SH3RF3: variants seen among roughly 807,000 people sequenced by gnomAD.
The protein encoded by SH3RF3 is SH3 domain containing ring finger 3, also known as E3 ubiquitin-protein ligase SH3RF3.
SH3RF3 carries 29 observed loss-of-function variants against 66.3 expected under a neutral mutation model. The observed-to-expected ratio is 0.44, with a 90% CI of 0.33 to 0.60. SH3RF3 has a LOEUF of 0.60. Among genes scored for constraint, SH3RF3 ranks in the 20% least tolerant of loss-of-function variants. The pLI is 0.04. For synonymous variants in SH3RF3, 583 were observed against 532.0 expected, an observed-to-expected ratio of 1.10 and a Z score of -1.32; for missense variants, 1,194 against 1,190.9, an observed-to-expected ratio of 1.00 and a Z score of -0.04.
chr2:109,453,671 C>CGGTTCATAAT (rs1208612588), intron 8 of SH3RF3, among the ~76,000 whole-genome samples: 1 of 152,154 alleles, frequency 6.6e-6, no homozygotes, highest in Non-Finnish European at 1.5e-5. Flanking sequence ...CGCAGGCACA[C>CGGTTCATAAT]GGTTCATAAT....
intron 6 of SH3RF3, among the ~76,000 whole-genome samples, chr2:109,436,481 G>A (rs781411741): frequency 1.3e-5 from 2 of 152,216 alleles, no homozygotes; most frequent in Non-Finnish European, 2.9e-5. Context: ...GTGCCCAGAG[G>A]GGGCCCGCGT....
At position 109,252,741 on chromosome 2, in the gene SH3RF3, C is replaced by T. The variant is rs140636544; in HGVS notation, c.574-94933C>T. On this transcript the variant is annotated intron_variant, in intron 1 of 9. Coordinates refer to ENST00000309415, the MANE Select transcript of SH3RF3 (RefSeq NM_001099289.3). ...ACATTAGGCTGGCTAATGTAATCAG[C>T]CTACAGTTGGGCTGAATCATGTAAC... Among the ~76,000 whole-genome samples, 7 of 152,290 alleles carry T rather than the reference C, an allele frequency of 4.6e-5. No individual in the cohort carries two copies. In the East Asian group the frequency reaches 1.3e-3, roughly 29 times the overall value.
intron 2 of SH3RF3, among the ~76,000 whole-genome samples, chr2:109,365,066 A>G (rs1339430345): frequency 2.0e-5 from 3 of 152,150 alleles, no homozygotes; most frequent in Non-Finnish European, 4.4e-5. Flanking sequence ...AAACAAACAA[A>G]CAAACAAACA....
intron 1 of SH3RF3, among the ~76,000 whole-genome samples, chr2:109,270,319 C>T (rs535344961): frequency 3.9e-5 from 6 of 152,240 alleles, no homozygotes; most frequent in Admixed American, 1.3e-4. Flanking sequence ...GTTGGAGTGC[C>T]GGGCATGGGG....
At chr2:109,253,198 T>G (rs1238480209) in intron 1 of SH3RF3, among the ~76,000 whole-genome samples, 2 of 152,114 alleles carry the variant, frequency 1.3e-5, no homozygotes, top group African/African-American at 4.8e-5. Flanking sequence ...TGGCTAGTTT[T>G]TGTATTTTTA....
Position 109,230,164 on chromosome 2 carries a change from T to C in SH3RF3, c.573+100051T>C, listed in dbSNP as rs192078943. On this transcript the variant is annotated intron_variant, in intron 1 of 9. Coordinates refer to ENST00000309415, the MANE Select transcript of SH3RF3 (RefSeq NM_001099289.3). Reference sequence around the variant, plus strand: ...CTTAAGGCAGACTAATATTCCGTCGTATGGATATACTATATATTGTTTATC... The same window carrying C: ...CTTAAGGCAGACTAATATTCCGTCGCATGGATATACTATATATTGTTTATC... Among the ~76,000 whole-genome samples, 1,120 of 152,262 alleles carry C rather than the reference T, an allele frequency of 7.4e-3. 9 individuals carry two copies. Among genetic ancestry groups the C allele is most frequent in the South Asian group, 0.024 (114 of 4,828 alleles).
intron 3 of SH3RF3, among the ~76,000 whole-genome samples, chr2:109,383,361 C>T (rs527944626): frequency 1.3e-5 from 2 of 152,310 alleles, no homozygotes; most frequent in African/African-American, 2.4e-5. Context: ...CCCATCTTTG[C>T]AGGGAGATCT....
At position 109,347,861 on chromosome 2, in the gene SH3RF3, T is replaced by C; in HGVS notation, c.761T>C (p.Leu254Ser). ...AGCTATATCCAGTGCATCCAGCCCT[T>C]GCCACACGCCCCGCCCCAGGGAAAA... ...PASYIQCIQP[L>S]PHAPPQGKAL... is the part of the protein sequence containing the mutation. The change falls in exon 2 of 10, where the codon TTG (leucine) becomes TCG (serine). Residue 254 changes from leucine (L) to serine (S), a missense_variant. Transcript: ENST00000309415. The C allele has an allele frequency of 6.2e-7, 1 of 1,613,622 alleles. No individual in the cohort carries two copies. The highest frequency in any genetic ancestry group is 1.1e-5 in the South Asian group (1 of 90,982).
intron 1 of SH3RF3, among the ~76,000 whole-genome samples, chr2:109,333,516 TTG>T (rs1306651239): frequency 6.6e-6 from 1 of 152,242 alleles, no homozygotes; most frequent in African/African-American, 2.4e-5. Flanking sequence ...CCCCACCTGT[TTG>T]TGTAAGTAAA....
intron 3 of SH3RF3, among the ~76,000 whole-genome samples, chr2:109,396,727 C>A (rs1236179879): frequency 6.6e-6 from 1 of 152,216 alleles, no homozygotes; most frequent in Non-Finnish European, 1.5e-5. Flanking sequence ...GGACAGGCCC[C>A]TCCTGGCACC....
At chr2:109,233,606 G>C (rs546642176) in intron 1 of SH3RF3, among the ~76,000 whole-genome samples, 1 of 152,182 alleles carries the variant, frequency 6.6e-6, no homozygotes, top group Admixed American at 6.5e-5. Flanking sequence ...CTTGAGGGTG[G>C]GGCCTTTGCC....
At chr2:109,371,010 G>A (rs1186240250) in intron 2 of SH3RF3, among the ~76,000 whole-genome samples, 1 of 152,172 alleles carries the variant, frequency 6.6e-6, no homozygotes, top group Non-Finnish European at 1.5e-5. Flanking sequence ...ATAAATAATA[G>A]GAGTTGCATT....
chr2:109,163,226 C>A (rs1574481801), intron 1 of SH3RF3, among the ~76,000 whole-genome samples: 1 of 152,066 alleles, frequency 6.6e-6, no homozygotes, highest in East Asian at 1.9e-4. Context: ...AAGCCCAGAA[C>A]TATTTTTGGT....
At chr2:109,328,191 G>T (rs1352675602) in intron 1 of SH3RF3, among the ~76,000 whole-genome samples, 1 of 152,198 alleles carries the variant, frequency 6.6e-6, no homozygotes, top group Non-Finnish European at 1.5e-5. Context: ...ATTAGTCCAT[G>T]TGTGGATTTC....
chr2:109,303,478 T>C (rs1353382217), intron 1 of SH3RF3, among the ~76,000 whole-genome samples: 1 of 152,210 alleles, frequency 6.6e-6, no homozygotes, highest in Non-Finnish European at 1.5e-5. Flanking sequence ...GATGAAACTT[T>C]TTAAGTGAAA....
At chr2:109,299,976 T>G (rs1012597538) in intron 1 of SH3RF3, among the ~76,000 whole-genome samples, 2 of 152,154 alleles carry the variant, frequency 1.3e-5, no homozygotes, top group African/African-American at 4.8e-5. Context: ...TTTGTTCTAT[T>G]TATTTATTTC....
At chr2:109,166,219 C>G (rs1677617335) in intron 1 of SH3RF3, among the ~76,000 whole-genome samples, 1 of 152,174 alleles carries the variant, frequency 6.6e-6, no homozygotes, top group South Asian at 2.1e-4. Flanking sequence ...TGGCTTATGC[C>G]TGTCATCCCA....
chr2:109,191,121 C>T lies in SH3RF3; in HGVS notation c.573+61008C>T, dbSNP rs1324004640. 3.3e-5 allele frequency among the ~76,000 whole-genome samples: 5 copies of T among 151,980 alleles called. No homozygotes were observed. In the South Asian group the frequency reaches 6.2e-4, roughly 19 times the overall value. On this transcript the variant is annotated intron_variant, in intron 1 of 9. Transcript: ENST00000309415. ...CATATCAAGTGATTGGAGAGAGATC[C>T]AGAGGGACAGATTGCCAATGAGAGT...
intron 2 of SH3RF3, among the ~76,000 whole-genome samples, chr2:109,358,077 A>G (rs893493019): frequency 3.3e-5 from 5 of 152,166 alleles, no homozygotes; most frequent in African/African-American, 1.2e-4. Flanking sequence ...ACCCCTGGCA[A>G]CCACTGACCT....
Sources: gnomAD v4.1 joint callset for allele counts (sites outside exome capture counted in the v4.1 genomes callset) on GRCh38, gnomAD v4.1.1 for gene constraint, MANE v1.5 for transcripts, NCBI Gene and HGNC (gene_info 2026-07-23, HGNC 2026-07-21) for gene names.